The following CHD2 variants were observed in gnomAD, a reference collection of about 807,000 sequenced individuals.
CHD2 encodes the protein chromodomain helicase DNA binding protein 2, also known as ATP-dependent chromatin remodeler CHD2.
In CHD2, 28 loss-of-function variants were observed where a neutral mutation model predicts 243.9. The observed-to-expected ratio is 0.11, with a 90% CI of 0.09 to 0.16. CHD2 has a LOEUF of 0.16. Among genes scored for constraint, CHD2 ranks in the 10% least tolerant of loss-of-function variants. CHD2 has a pLI of 1.00. For synonymous variants in CHD2, 775 were observed against 779.0 expected (o/e 0.99, Z 0.09); for missense variants, 1,386 against 2,209.8 (o/e 0.63, Z 7.47).
chr15:92,999,343 C>A (rs2141870246), intron 31 of CHD2, among the ~76,000 whole-genome samples: 1 of 152,020 alleles, frequency 6.6e-6, no homozygotes, highest in East Asian at 1.9e-4. Context: ...ATAGTGGATC[C>A]CAGAGATAAA....
intron 2 of CHD2, chr15:92,902,540 ATTTT>A (rs1429606961): frequency 5.4e-6 from 1 of 185,668 alleles, no homozygotes; most frequent in Non-Finnish European, 1.1e-5. Context: ...AATTCTATTT[ATTTT>A]ATTTGACTGA....
intron 31 of CHD2, 85 bp from the exon 32 acceptor site, chr15:93,000,427 T>G: frequency 2.3e-6 from 3 of 1,327,176 alleles, no homozygotes; most frequent in Non-Finnish European, 3.1e-6. Flanking sequence ...TGGCTGCTAC[T>G]GCTTTAAAGA....
rs200578618 is a variant in CHD2, at chr15:93,024,745, C to G, written c.*40C>G. 3.3e-6 allele frequency: 5 copies of G among 1,532,584 alleles called. No individual in the cohort carries two copies. In the Admixed American group the frequency reaches 7.8e-5, roughly 24 times the overall value. 94.9% of individuals were successfully genotyped at this position (1,532,584 alleles called of 1,614,324 possible). ...AGGAGAGAGTAAGAGTCACCAAACA[C>G]GTGGATATTTTTGGTCTGATCCTAC... On this transcript the variant is annotated 3_prime_UTR_variant, in exon 39 of 39. Transcript: ENST00000394196.
At chr15:92,910,918 C>T (rs577575895) in intron 2 of CHD2, among the ~76,000 whole-genome samples, 2 of 152,160 alleles carry the variant, frequency 1.3e-5, no homozygotes, top group Admixed American at 1.3e-4. Flanking sequence ...TATGCTGTAG[C>T]CTGTTGCTCC....
intron 37 of CHD2, 93 bp downstream of exon 37, chr15:93,015,002 G>C (rs2141888525): frequency 1.0e-6 from 1 of 970,714 alleles, no homozygotes; most frequent in East Asian, 2.4e-5. Flanking sequence ...CTAGACTTCT[G>C]TGCTTTATTA....
intron 26 of CHD2, 50 bp from the exon 27 acceptor site, chr15:92,991,426 C>CT: frequency 7.2e-7 from 1 of 1,392,984 alleles, no homozygotes; most frequent in Non-Finnish European, 1.0e-6. Flanking sequence ...ATCAACATAA[C>CT]TAAAGTAAGT....
At chr15:92,904,452 C>T (rs1376453182) in intron 2 of CHD2, 3 of 988,678 alleles carry the variant, frequency 3.0e-6, no homozygotes, top group South Asian at 4.6e-5. Context: ...GCATGTCGGG[C>T]GCTTTCTCCT....
chr15:93,018,253 CAA>C (rs1412075665), intron 37 of CHD2, among the ~76,000 whole-genome samples: 1 of 152,168 alleles, frequency 6.6e-6, no homozygotes, highest in Non-Finnish European at 1.5e-5. Flanking sequence ...GGTGAATAGT[CAA>C]AAGTTTTTTA....
chr15:93,001,842 G>A (rs1177471732), intron 32 of CHD2, among the ~76,000 whole-genome samples: 27 of 152,122 alleles, frequency 1.8e-4, no homozygotes, highest in Non-Finnish European at 5.9e-5. Context: ...TTAAATACTA[G>A]CAACCTAATC....
At position 93,014,734 on chromosome 15, in the gene CHD2, A is replaced by G; in HGVS notation, c.4731A>G (p.Lys1577=). 6.2e-7 allele frequency: 1 copy of G among 1,614,064 alleles called. No homozygotes were observed. Reference sequence around the variant, plus strand: ...AAGACGACGTGACTGGGGGTAAGAAACCATTTCGTCCAGAGGCCTCAGGCT... The same window carrying G: ...AAGACGACGTGACTGGGGGTAAGAAGCCATTTCGTCCAGAGGCCTCAGGCT... ...KKKDDVTGGK[K]PFRPEASGSS... is the part of the protein sequence containing the mutation. The change falls in exon 37 of 39, where the codon AAA becomes AAG. Residue 1577 remains lysine, a synonymous_variant. Transcript: ENST00000394196.
rs751228639 is a variant in CHD2 at position 92,985,566 on chromosome 15, G to A, written c.3306G>A (p.Glu1102=). The change falls in exon 26 of 39, where the codon GAG becomes GAA. Residue 1102 remains glutamate (E), a synonymous_variant. Coordinates refer to ENST00000394196, the MANE Select transcript of CHD2 (RefSeq NM_001271.4). ...AGGCCCAGAGATCCTCTGCTTCTGA[G>A]AGTGAAACGGAAGACTCTGATGATG... ...KRQAQRSSAS[E]SETEDSDDDK... is the part of the protein sequence containing the mutation. The A allele has an allele frequency of 5.6e-6, 9 of 1,614,016 alleles. No homozygotes were observed. Among genetic ancestry groups the A allele is most frequent in the Non-Finnish European group, 7.6e-6 (9 of 1,180,018 alleles).
chr15:92,915,997 A>G (rs996237368), intron 2 of CHD2, among the ~76,000 whole-genome samples: 5 of 141,542 alleles, frequency 3.5e-5, no homozygotes, highest in African/African-American at 1.0e-4. Flanking sequence ...TGAGGCATAA[A>G]TGACTATGCC....
chr15:92,962,902 A>G (rs2141824788), intron 16 of CHD2, among the ~76,000 whole-genome samples: 1 of 152,254 alleles, frequency 6.6e-6, no homozygotes, highest in Middle Eastern at 3.4e-3. Context: ...TTGACCTCTA[A>G]TGATATTTAT....
intron 25 of CHD2, 63 bp from the exon 26 acceptor site, chr15:92,985,435 T>C (rs954180545): frequency 1.4e-5 from 21 of 1,492,098 alleles, no homozygotes; most frequent in African/African-American, 1.3e-4. Flanking sequence ...GGCCTTCTCT[T>C]AGTCCTTTCA....
At chr15:92,927,428 C>A in intron 4 of CHD2, 98 bp downstream of exon 4, 2 of 846,590 alleles carry the variant, frequency 2.4e-6, no homozygotes, top group Non-Finnish European at 1.9e-6. Context: ...GACTGAACTT[C>A]AGGCATGAGG....
At chr15:93,018,189 A>C (rs2054487157) in intron 37 of CHD2, among the ~76,000 whole-genome samples, 1 of 152,212 alleles carries the variant, frequency 6.6e-6, no homozygotes, top group Admixed American at 6.5e-5. Flanking sequence ...TCCTCAAGTG[A>C]TCCTTCGCAT....
At chr15:92,911,516 TC>T (rs2052734236) in intron 2 of CHD2, among the ~76,000 whole-genome samples, 2 of 152,262 alleles carry the variant, frequency 1.3e-5, no homozygotes, top group South Asian at 4.1e-4. Context: ...GGCTGGCAGA[TC>T]ACTTGAGGCC....
At chr15:92,920,595 T>C (rs543879966) in intron 2 of CHD2, among the ~76,000 whole-genome samples, 1 of 152,332 alleles carries the variant, frequency 6.6e-6, no homozygotes, top group Non-Finnish European at 1.5e-5. Flanking sequence ...ATGCTGCCTT[T>C]TGTGGGTCTC....
chr15:92,947,111 G>C (rs1403383913), intron 12 of CHD2: 1 of 152,196 alleles, frequency 6.6e-6, no homozygotes, highest in African/African-American at 2.4e-5. Flanking sequence ...TATCAGACAA[G>C]TGATACGTCT....
Sources: allele counts gnomAD v4.1 joint callset (sites outside exome capture counted in the v4.1 genomes callset), GRCh38; gene constraint gnomAD v4.1.1; transcripts MANE v1.5; gene names NCBI Gene and HGNC (gene_info 2026-07-23, HGNC 2026-07-21).